SLC24A2: variants seen among roughly 807,000 people sequenced by gnomAD.
SLC24A2 encodes the protein solute carrier family 24 member 2.
A neutral mutation model predicts 62.0 loss-of-function variants in SLC24A2; 36 were observed. That is an observed-to-expected ratio of 0.58 (90% confidence interval 0.44 to 0.77). The LOEUF (loss-of-function observed/expected upper bound fraction) is 0.77. Among genes scored for constraint, SLC24A2 ranks in the 30% least tolerant of loss-of-function variants. The pLI is 0.00. For synonymous variants in SLC24A2, 358 were observed against 294.0 expected (o/e 1.22, Z -2.23); for missense variants, 846 against 817.9 (o/e 1.03, Z -0.42).
At chr9:20,100,177 T>TC in the SLC24A2 span, among the ~76,000 whole-genome samples, 2 of 148,270 alleles carry the variant, frequency 1.3e-5, no homozygotes, top group East Asian at 2.8e-4. Context: ...TGGCTAACTT[T>TC]TTGTGTGTGT....
the SLC24A2 span, among the ~76,000 whole-genome samples, chr9:20,127,856 A>T: frequency 2.6e-5 from 4 of 152,290 alleles, no homozygotes; most frequent in South Asian, 8.3e-4. Context: ...TTTCTTAACT[A>T]GAGGAGAGAC....
rs185090862 is a variant in SLC24A2, at chr9:19,522,348, G to A, written c.1570-1288C>T. 3.5e-3 allele frequency among the ~76,000 whole-genome samples: 526 copies of A among 152,196 alleles called. 1 individual carries two copies. The highest frequency in any genetic ancestry group is 0.012 in the African/African-American group (502 of 41,514). On this transcript the variant is annotated intron_variant, in intron 9 of 10. Coordinates refer to ENST00000341998, the MANE Select transcript of SLC24A2 (RefSeq NM_020344.4). ...TGTTTTGCTGGACTTGGTGAAGTGT[G>A]GCTCTGAAAACCTTCAAGATAATGC... is the stretch of plus-strand genomic sequence containing the variant.
chr9:19,830,715 C>A, the SLC24A2 span, among the ~76,000 whole-genome samples: 2 of 152,140 alleles, frequency 1.3e-5, no homozygotes, highest in Non-Finnish European at 2.9e-5. Flanking sequence ...CTGCCTTTCC[C>A]TAACTGGACA....
chr9:19,543,092 G>T (rs1288636506), intron 8 of SLC24A2, among the ~76,000 whole-genome samples: 1 of 152,138 alleles, frequency 6.6e-6, no homozygotes, highest in East Asian at 1.9e-4. Context: ...ATTAATTACT[G>T]CCTCAATTTC....
the SLC24A2 span, among the ~76,000 whole-genome samples, chr9:19,807,815 C>G: frequency 2.6e-4 from 40 of 152,300 alleles, no homozygotes; most frequent in South Asian, 1.5e-3. Flanking sequence ...CACTGTGACT[C>G]TGATTCTTCA....
chr9:19,532,729 T>G (rs1833767837), intron 8 of SLC24A2, among the ~76,000 whole-genome samples: 1 of 152,196 alleles, frequency 6.6e-6, no homozygotes, highest in Admixed American at 6.5e-5. Context: ...GTCAATTACT[T>G]TATCCTTGTT....
At chr9:20,200,724 G>A in the SLC24A2 span, among the ~76,000 whole-genome samples, 3 of 152,200 alleles carry the variant, frequency 2.0e-5, no homozygotes, top group Non-Finnish European at 2.9e-5. Flanking sequence ...GCCCAGGGAC[G>A]CTGCCATTGT....
At chr9:20,196,621 C>G in the SLC24A2 span, among the ~76,000 whole-genome samples, 3 of 152,152 alleles carry the variant, frequency 2.0e-5, no homozygotes, top group African/African-American at 7.2e-5. Flanking sequence ...TTGCCATTTT[C>G]TTATGTCAGG....
the SLC24A2 span, among the ~76,000 whole-genome samples, chr9:19,974,501 A>G: frequency 2.6e-5 from 4 of 152,158 alleles, no homozygotes; most frequent in African/African-American, 4.8e-5. Flanking sequence ...AACCATTTCA[A>G]TATTCTTTCC....
intron 2 of SLC24A2, among the ~76,000 whole-genome samples, chr9:19,662,260 T>C (rs371707621): frequency 4.4e-4 from 67 of 152,250 alleles, no homozygotes; most frequent in African/African-American, 1.6e-3. Flanking sequence ...AGTAATGAGA[T>C]ATGAGATATT....
the SLC24A2 span, among the ~76,000 whole-genome samples, chr9:19,843,658 T>C: frequency 6.6e-6 from 1 of 152,188 alleles, no homozygotes; most frequent in African/African-American, 2.4e-5. Flanking sequence ...ATTTGCTTTT[T>C]CAACCCTTGT....
At chr9:19,905,513 A>G in the SLC24A2 span, among the ~76,000 whole-genome samples, 15 of 151,564 alleles carry the variant, frequency 9.9e-5, no homozygotes, top group African/African-American at 3.6e-4. Context: ...GGTTCAAGCA[A>G]TTCTCCTGCT....
chr9:19,553,936 C>T (rs1337063810), intron 7 of SLC24A2, among the ~76,000 whole-genome samples: 1 of 152,132 alleles, frequency 6.6e-6, no homozygotes, highest in East Asian at 1.9e-4. Flanking sequence ...TGTGTTCCCT[C>T]CAATCATGCC....
At chr9:19,551,709 G>T (rs1480618871) in intron 7 of SLC24A2, among the ~76,000 whole-genome samples, 1 of 152,174 alleles carries the variant, frequency 6.6e-6, no homozygotes, top group Non-Finnish European at 1.5e-5. Context: ...TACAGAGGTG[G>T]CATGAGGGGC....
In SLC24A2 at chr9:19,544,536, A is replaced by T. The variant is rs111373072; in HGVS notation, c.1479+5601T>A. ...TTTCTTTATAGTGTTGATGGTCTTT[A>T]CAATTTGGTATGTTTTTGCAGTGGC... On this transcript the variant is annotated intron_variant, in intron 8 of 10. Coordinates refer to ENST00000341998, the MANE Select transcript of SLC24A2 (RefSeq NM_020344.4). Among the ~76,000 whole-genome samples, 221 of 152,202 alleles carry T rather than the reference A, an allele frequency of 1.5e-3. 1 individual carries two copies. The highest frequency in any genetic ancestry group is 5.0e-3 in the African/African-American group (209 of 41,512).
At chr9:19,584,273 T>TAAAAAAAAAAAAAAAAAAAAAAAAAAAAA (rs5896848) in intron 5 of SLC24A2, among the ~76,000 whole-genome samples, 2 of 119,942 alleles carry the variant, frequency 1.7e-5, no homozygotes, top group Admixed American at 8.2e-5. Flanking sequence ...TAGCAAATAG[T>TAAAAAAAAAAAAAAAAAAAAAAAAAAAAA]AAAAAAAAAA....
the SLC24A2 span, among the ~76,000 whole-genome samples, chr9:20,206,583 AG>A: frequency 1.3e-5 from 2 of 152,004 alleles, no homozygotes; most frequent in Non-Finnish European, 1.5e-5. Context: ...TCTGCCTCCC[AG>A]GTTCAAGTGA....
intron 2 of SLC24A2, among the ~76,000 whole-genome samples, chr9:19,779,071 C>T (rs554750677): frequency 7.2e-5 from 11 of 152,146 alleles, no homozygotes; most frequent in South Asian, 6.2e-4. Flanking sequence ...GAAAATGAGA[C>T]GCTAGAAGGT....
chr9:19,750,816 G>A (rs917509923), intron 2 of SLC24A2, among the ~76,000 whole-genome samples: 3 of 152,138 alleles, frequency 2.0e-5, no homozygotes, highest in African/African-American at 7.2e-5. Flanking sequence ...CTACCGGCCA[G>A]GTGTCTGCCA....
Sources: allele counts gnomAD v4.1 joint callset (sites outside exome capture counted in the v4.1 genomes callset), GRCh38; gene constraint gnomAD v4.1.1; transcripts MANE v1.5; gene names NCBI Gene and HGNC (gene_info 2026-07-23, HGNC 2026-07-21).